PAK2: variants seen among roughly 807,000 people sequenced by gnomAD.
The protein encoded by PAK2 is serine/threonine-protein kinase PAK 2.
A neutral mutation model predicts 65.9 loss-of-function variants in PAK2; 21 were observed. The ratio of observed to expected loss-of-function variants is 0.32; its 90% confidence interval spans 0.23 to 0.46. The LOEUF (loss-of-function observed/expected upper bound fraction) is 0.46, where lower values mean the gene tolerates loss of function less well. Ranked by LOEUF, PAK2 falls within the 20% of genes least tolerant of loss-of-function variation. PAK2 has a pLI of 1.00. For missense variants in PAK2, 324 were observed against 642.6 expected (o/e 0.50, Z 5.36); for synonymous variants, 204 against 219.7 (o/e 0.93, Z 0.63).
intron 1 of PAK2, among the ~76,000 whole-genome samples, chr3:196,768,488 T>TATGTATG (rs766555826): frequency 1.1e-4 from 16 of 148,556 alleles, no homozygotes; most frequent in Non-Finnish European, 1.9e-4. Context: ...TTTATTTTAT[T>TATGTATG]TATATATGTA....
intron 1 of PAK2, among the ~76,000 whole-genome samples, chr3:196,751,694 T>TATATA (rs1211217848): frequency 8.7e-5 from 4 of 45,814 alleles, no homozygotes; most frequent in Admixed American, 2.1e-4. Flanking sequence ...TATATATATA[T>TATATA]AATTCAGGCT....
At chr3:196,767,791 G>A (rs1714222376) in intron 1 of PAK2, among the ~76,000 whole-genome samples, 1 of 152,118 alleles carries the variant, frequency 6.6e-6, no homozygotes, top group Non-Finnish European at 1.5e-5. Context: ...ACCGTGCCCG[G>A]CTGAAATACA....
At position 196,805,375 on chromosome 3, in the gene PAK2, A is replaced by C; in HGVS notation, c.460A>C (p.Thr154Pro). ...AGAGAAAGATGGCTTTCCTTCTGGA[A>C]CACCAGCAGTAAGTTAATTATATTA... Reference protein sequence around the residue: ...PPEKDGFPSGTPALNAKGTEA... With the variant: ...PPEKDGFPSGPPALNAKGTEA... The change falls in exon 5 of 15, where the codon ACA becomes CCA. Residue 154 changes from threonine to proline, a missense_variant. This residue lies in a region of PAK2 where 183 missense variants were observed against 246.2 expected (regional missense o/e 0.74). Coordinates refer to ENST00000327134, the MANE Select transcript of PAK2 (RefSeq NM_002577.4). The C allele has an allele frequency of 7.0e-7, 1 of 1,432,660 alleles. No homozygotes were observed. Among genetic ancestry groups the C allele is most frequent in the Non-Finnish European group, 9.5e-7 (1 of 1,049,906 alleles). The allele number at this position is 1,432,660 out of a possible 1,614,324, so 88.7% of individuals were successfully genotyped here. A position where few individuals can be genotyped will look rare whatever the true frequency, so the allele number is the denominator to read the frequency against.
chr3:196,829,933 C>T lies in PAK2; in HGVS notation c.*1528C>T, dbSNP rs557612504. On this transcript the variant is annotated 3_prime_UTR_variant, in exon 15 of 15. Coordinates refer to ENST00000327134, the MANE Select transcript of PAK2 (RefSeq NM_002577.4). Reference sequence around the variant, plus strand: ...CCTTTTCTCTTCTCTTTTTTCCTCTCCTCTTCTTCTCCTTTATTCATTGTT... The same window carrying T: ...CCTTTTCTCTTCTCTTTTTTCCTCTTCTCTTCTTCTCCTTTATTCATTGTT... The T allele has an allele frequency of 6.6e-6, 1 of 151,968 alleles. No homozygotes were observed. Among genetic ancestry groups the T allele is most frequent in the African/African-American group, 2.4e-5 (1 of 41,422 alleles). 9.4% of individuals were successfully genotyped at this position (151,968 alleles called of 1,614,324 possible).
At position 196,811,197 on chromosome 3, in the gene PAK2, T is replaced by TC. The variant is rs1361100196; in HGVS notation, c.773+546dup. On this transcript the variant is annotated intron_variant, in intron 8 of 14. Transcript: ENST00000327134. ...TTTGAAAACTTCCATATGAATTCCT[T>TC]CCTCCCTTCCTTCCCTTCCCTCCCT... Among the ~76,000 whole-genome samples the TC allele has an allele frequency of 0.012, 99 of 8,536 alleles. 7 individuals carry two copies. In the East Asian group the frequency reaches 0.29, roughly 25 times the overall value. 5.6% of individuals were successfully genotyped at this position (8,536 alleles called of 152,430 possible). A position where few individuals can be genotyped will look rare whatever the true frequency, so the allele number is the denominator to read the frequency against.
At chr3:196,809,916 A>G (rs1036488357) in intron 7 of PAK2, among the ~76,000 whole-genome samples, 1 of 151,992 alleles carries the variant, frequency 6.6e-6, no homozygotes, top group African/African-American at 2.4e-5. Context: ...ATAAGTTAGG[A>G]TTTTATGTCC....
intron 1 of PAK2, among the ~76,000 whole-genome samples, chr3:196,753,158 C>T (rs1160653727): frequency 6.6e-6 from 1 of 151,714 alleles, no homozygotes; most frequent in African/African-American, 2.4e-5. Flanking sequence ...GAGGTTTCAT[C>T]ATGTGGGCCA....
chr3:196,789,076 T>G (rs889818817), intron 2 of PAK2, among the ~76,000 whole-genome samples: 1 of 152,188 alleles, frequency 6.6e-6, no homozygotes, highest in African/African-American at 2.4e-5. Flanking sequence ...ATGGTAGGTA[T>G]ATAGAAAAAA....
rs181621248 is a variant in PAK2, at chr3:196,791,903, C to T, written c.187+9070C>T. 7.3e-3 allele frequency among the ~76,000 whole-genome samples: 1,089 copies of T among 148,498 alleles called. 7 individuals are homozygous for T. Among genetic ancestry groups the T allele is most frequent in the Non-Finnish European group, 0.01 (707 of 67,498 alleles). On this transcript the variant is annotated intron_variant, in intron 2 of 14. Transcript: ENST00000327134. The surrounding 1 kb of genome is among the most constrained non-coding windows in gnomAD (Gnocchi z 4.0). ...TCGCGCCACCGCACTCCAACCTGGG[C>T]GACAGAGCGAGACTCCGTCAAAAAA... is the stretch of plus-strand genomic sequence containing the variant.
intron 1 of PAK2, among the ~76,000 whole-genome samples, chr3:196,754,452 A>G (rs1458317159): frequency 6.6e-6 from 1 of 152,154 alleles, no homozygotes; most frequent in Non-Finnish European, 1.5e-5. Context: ...GGATAAATAC[A>G]CAGCTCCCGG....
At position 196,742,238 on chromosome 3, in the gene PAK2, G is replaced by A. The variant is rs1713221599; in HGVS notation, c.-22+2081G>A. 4.0e-5 allele frequency among the ~76,000 whole-genome samples: 6 copies of A among 151,802 alleles called. No individual in the cohort carries two copies. The South Asian group carries it at 1.2e-3, about 32-fold the overall frequency. On this transcript the variant is annotated intron_variant, in intron 1 of 14. Coordinates refer to ENST00000327134, the MANE Select transcript of PAK2 (RefSeq NM_002577.4). Reference sequence around the variant, plus strand: ...TGAGTAGCTGGGATTACAGGCACGCGCCACCACGCGCGGCTAATTTTGTAT... The same window carrying A: ...TGAGTAGCTGGGATTACAGGCACGCACCACCACGCGCGGCTAATTTTGTAT...
intron 6 of PAK2, among the ~76,000 whole-genome samples, chr3:196,807,382 A>G (rs1467004730): frequency 6.6e-6 from 1 of 152,160 alleles, no homozygotes; most frequent in Non-Finnish European, 1.5e-5. Context: ...ATAATTGTGT[A>G]AAAACTTTCA....
intron 1 of PAK2, among the ~76,000 whole-genome samples, chr3:196,745,749 G>A (rs1252999092): frequency 6.6e-6 from 1 of 151,598 alleles, no homozygotes. Flanking sequence ...GGGAGGCGGA[G>A]GTTGCAATGA....
intron 1 of PAK2, among the ~76,000 whole-genome samples, chr3:196,752,729 T>C (rs1356036114): frequency 6.6e-6 from 1 of 152,034 alleles, no homozygotes; most frequent in Admixed American, 6.6e-5. Context: ...GCCTCCCGAA[T>C]AGCTGGGATT....
intron 1 of PAK2, among the ~76,000 whole-genome samples, chr3:196,777,979 T>C (rs1326698530): frequency 6.6e-6 from 1 of 152,230 alleles, no homozygotes; most frequent in Non-Finnish European, 1.5e-5. Context: ...CCATCTCCAC[T>C]GTCTTCATAC....
intron 1 of PAK2, among the ~76,000 whole-genome samples, chr3:196,743,755 G>A (rs923850124): frequency 4.6e-5 from 7 of 152,000 alleles, no homozygotes; most frequent in African/African-American, 7.3e-5. Flanking sequence ...GGTGGCGGGC[G>A]CCTGTAATCC....
At chr3:196,779,728 A>G (rs1359167548) in intron 1 of PAK2, among the ~76,000 whole-genome samples, 2 of 152,158 alleles carry the variant, frequency 1.3e-5, no homozygotes, top group Admixed American at 6.5e-5. Flanking sequence ...GCTGGAGTAC[A>G]ATGGCATGAT....
In PAK2 at chr3:196,752,068, G is replaced by C. The variant is rs545674580; in HGVS notation, c.-22+11911G>C. Among the ~76,000 whole-genome samples the C allele has an allele frequency of 1.4e-4, 21 of 152,080 alleles. No individual in the cohort carries two copies. The East Asian group carries it at 4.1e-3, about 29-fold the overall frequency. On this transcript the variant is annotated intron_variant, in intron 1 of 14. Coordinates refer to ENST00000327134, the MANE Select transcript of PAK2 (RefSeq NM_002577.4). ...ACAAGTGAATTTCATATTTAGATTTGGGTCTCATCCCCAACATATCTCATT... is the reference window on the plus strand; with the variant it reads ...ACAAGTGAATTTCATATTTAGATTTCGGTCTCATCCCCAACATATCTCATT...
At chr3:196,798,180 A>G (rs530816522) in intron 2 of PAK2, among the ~76,000 whole-genome samples, 85 of 152,312 alleles carry the variant, frequency 5.6e-4, no homozygotes, top group Non-Finnish European at 1.1e-3. Context: ...TTCATTTAGA[A>G]TGTCAATAAA....
Sources: gnomAD v4.1 joint callset for allele counts (sites outside exome capture counted in the v4.1 genomes callset) on GRCh38, gnomAD v4.1.1 for gene constraint, gnomAD v4.1.1 regional missense constraint, Gnocchi (gnomAD v3.1) non-coding constraint, MANE v1.5 for transcripts, NCBI Gene and HGNC (gene_info 2026-07-23, HGNC 2026-07-21) for gene names.